The following EFCC1 variants were observed in gnomAD, a reference collection of about 807,000 sequenced individuals.
EFCC1 encodes the protein EF-hand and coiled-coil domain-containing protein 1.
Under a neutral mutation model 52.1 loss-of-function variants are expected in EFCC1, and 50 were observed. The observed-to-expected ratio is 0.96, with a 90% confidence interval of 0.76 to 1.21. The LOEUF is 1.21. Ranked by LOEUF, EFCC1 falls within the 50% of genes most tolerant of loss-of-function variation. The probability of loss-of-function intolerance (pLI) is 0.00; values close to 1 mark genes in which losing one functional copy is unlikely to be tolerated. For synonymous variants in EFCC1, 399 were observed against 396.5 expected, an observed-to-expected ratio of 1.01 and a Z score of -0.08; for missense variants, 837 against 867.3, an observed-to-expected ratio of 0.97 and a Z score of 0.44.
Position 129,027,888 on chromosome 3 carries a change from A to T in EFCC1, c.981-2815A>T, listed in dbSNP as rs538378247. On this transcript the variant is annotated intron_variant, in intron 2 of 7. Transcript: ENST00000683648. ...ACAATCGCTTGAACCCAGGAGGTGG[A>T]AGTTGCAGTGAGCTGAGATCGCGCC... Among the ~76,000 whole-genome samples, 4 of 152,092 alleles carry T rather than the reference A, an allele frequency of 2.6e-5. No individual in the cohort carries two copies. The East Asian group carries it at 7.8e-4, about 30-fold the overall frequency.
intron 1 of EFCC1, 62 bp from the exon 2 acceptor site, chr3:129,003,732 C>A: frequency 1.6e-6 from 2 of 1,280,682 alleles, no homozygotes; most frequent in South Asian, 1.9e-5. Flanking sequence ...TCGTGGCGGG[C>A]GTTCGTCTGG....
intron 5 of EFCC1, among the ~76,000 whole-genome samples, chr3:129,034,944 G>T (rs1946337095): frequency 6.6e-6 from 1 of 152,170 alleles, no homozygotes; most frequent in Admixed American, 6.5e-5. Context: ...AGGAAGTGTG[G>T]TAGGAAGAAG....
In EFCC1 at chr3:129,003,968, G is replaced by T; in HGVS notation, c.871G>T (p.Val291Leu). 6.9e-7 allele frequency: 1 copy of T among 1,457,526 alleles called. No individual in the cohort carries two copies. The highest frequency in any genetic ancestry group is 9.0e-7 in the Non-Finnish European group (1 of 1,111,260). The allele number at this position is 1,457,526 out of a possible 1,614,324, so 90.3% of individuals were successfully genotyped here. Residue 291 changes from valine (V) to leucine (L), a missense_variant, in exon 2 of 8, where the codon GTG becomes TTG. Val to Leu is a conservative substitution (Grantham distance 32). Transcript: ENST00000683648. ...VRRRAEEARQVVLRSLHRVRE... is the reference protein window; with the variant it reads ...VRRRAEEARQLVLRSLHRVRE... ...GCGGCGCGCGGAGGAGGCCCGGCAG[G>T]TGGTGCTGCGCAGCCTGCACCGCGT...
Position 129,040,092 on chromosome 3 carries a change from A to G in EFCC1, c.*244A>G. Reference sequence around the variant, plus strand: ...CCCTGCATTCCTGCCACCAGAGTCCACATTAAAGCCCTGCAGTTGCTGGAT... The same window carrying G: ...CCCTGCATTCCTGCCACCAGAGTCCGCATTAAAGCCCTGCAGTTGCTGGAT... On this transcript the variant is annotated 3_prime_UTR_variant, in exon 8 of 8. Coordinates refer to ENST00000683648, the MANE Select transcript of EFCC1 (RefSeq NM_001377500.1). The surrounding 1 kb of genome is among the most constrained non-coding windows in gnomAD (Gnocchi z 4.4). The G allele has an allele frequency of 2.1e-6, 1 of 470,690 alleles. No homozygotes were observed. Among genetic ancestry groups the G allele is most frequent in the Non-Finnish European group, 3.7e-6 (1 of 269,194 alleles). 29.2% of individuals were successfully genotyped at this position (470,690 alleles called of 1,614,324 possible).
chr3:129,009,596 G>A (rs1448031494), intron 2 of EFCC1, among the ~76,000 whole-genome samples: 1 of 152,216 alleles, frequency 6.6e-6, no homozygotes, highest in African/African-American at 2.4e-5. Context: ...CCACTGGAGT[G>A]AGAGCAAGGC....
At chr3:129,008,472 C>T (rs1160216136) in intron 2 of EFCC1, among the ~76,000 whole-genome samples, 1 of 152,206 alleles carries the variant, frequency 6.6e-6, no homozygotes, top group Non-Finnish European at 1.5e-5. Flanking sequence ...AGAGGGGCTT[C>T]TCATAGCACC....
At chr3:129,030,614 T>A in intron 2 of EFCC1, 89 bp from the exon 3 acceptor site, 1 of 1,396,710 alleles carries the variant, frequency 7.2e-7, no homozygotes. Context: ...TGACAATGGG[T>A]GTTCATAGAC....
At chr3:129,039,617 T>G in intron 7 of EFCC1, 95 bp from the exon 8 acceptor site, 1 of 1,500,622 alleles carries the variant, frequency 6.7e-7, no homozygotes, top group Admixed American at 2.1e-5. Flanking sequence ...GCACAGCGGG[T>G]AAGAGTGGCT....
At position 129,010,810 on chromosome 3, in the gene EFCC1, G is replaced by C. The variant is rs986678413; in HGVS notation, c.980+6733G>C. ...AGAAAAGAGGCCTTTCCTCCTCCAG[G>C]AACAATACTCAGGCTCACAAAGAGG... On this transcript the variant is annotated intron_variant, in intron 2 of 7. Coordinates refer to ENST00000683648, the MANE Select transcript of EFCC1 (RefSeq NM_001377500.1). The surrounding 1 kb of genome is among the most constrained non-coding windows in gnomAD (Gnocchi z 4.3). Among the ~76,000 whole-genome samples, 1 of 152,088 alleles carries C rather than the reference G, an allele frequency of 6.6e-6. No individual in the cohort carries two copies. Among genetic ancestry groups the C allele is most frequent in the Non-Finnish European group, 1.5e-5 (1 of 68,016 alleles).
At chr3:129,029,711 A>C (rs1946230015) in intron 2 of EFCC1, among the ~76,000 whole-genome samples, 1 of 151,548 alleles carries the variant, frequency 6.6e-6, no homozygotes, top group Admixed American at 6.6e-5. Context: ...CAGCCTCCCA[A>C]GTAGCTGGGA....
intron 2 of EFCC1, among the ~76,000 whole-genome samples, chr3:129,013,607 C>G (rs113986036): frequency 0.011 from 1,702 of 152,284 alleles, 30 homozygotes; most frequent in African/African-American, 0.034. Flanking sequence ...TTTCTCTTTC[C>G]CAGTAGTTCC....
chr3:129,037,103 A>T lies in EFCC1; in HGVS notation c.1579A>T (p.Arg527Trp). Residue 527 changes from arginine to tryptophan, a missense_variant, in exon 6 of 8, where the codon AGG becomes TGG. Physicochemically the swap from Arg to Trp is moderately radical, Grantham distance 101. Transcript: ENST00000683648. ...KLVDVLQLLQ[R>W]LRDLNISKRA... The stretch of plus-strand genomic sequence containing the variant: ...GGTGGACGTGCTGCAGCTCCTGCAG[A>T]GGCTCCGGGACCTGGTAGGCTCACG... The T allele has an allele frequency of 1.2e-6, 2 of 1,608,964 alleles. No homozygotes were observed. The highest frequency in any genetic ancestry group is 1.7e-6 in the Non-Finnish European group (2 of 1,178,478).
intron 3 of EFCC1, among the ~76,000 whole-genome samples, chr3:129,032,122 G>T (rs992227270): frequency 4.6e-5 from 7 of 152,246 alleles, no homozygotes; most frequent in African/African-American, 1.7e-4. Flanking sequence ...ACTGTGGACC[G>T]CAGACAGTCA....
At chr3:129,023,584 G>A (rs779380835) in intron 2 of EFCC1, among the ~76,000 whole-genome samples, 1 of 152,062 alleles carries the variant, frequency 6.6e-6, no homozygotes, top group African/African-American at 2.4e-5. Context: ...CACCCGCCTC[G>A]GCCTCCCAAA....
chr3:129,035,143 T>C (rs1002459683), intron 5 of EFCC1, among the ~76,000 whole-genome samples: 36 of 152,236 alleles, frequency 2.4e-4, no homozygotes, highest in African/African-American at 8.2e-4. Flanking sequence ...TAGTTTTATA[T>C]TTATACATCT....
intron 2 of EFCC1, among the ~76,000 whole-genome samples, chr3:129,011,137 C>T (rs1030305016): frequency 6.6e-6 from 1 of 152,202 alleles, no homozygotes; most frequent in Non-Finnish European, 1.5e-5. Context: ...TGAGCCTCAG[C>T]TCATCTGTAA....
chr3:129,004,614 G>C (rs1482802814), intron 2 of EFCC1, among the ~76,000 whole-genome samples: 1 of 151,092 alleles, frequency 6.6e-6, no homozygotes, highest in Non-Finnish European at 1.5e-5. Flanking sequence ...ATAGATTGCA[G>C]TTGAATGTGC....
rs1413338649 is a variant in EFCC1 at position 129,034,274 on chromosome 3, A to G, written c.1397A>G (p.Glu466Gly). The change falls in exon 5 of 8, where the codon GAG becomes GGG. Residue 466 changes from glutamate (E) to glycine (G), a missense_variant. Glu to Gly is a moderately conservative substitution (Grantham distance 98, BLOSUM62 -2). Coordinates refer to ENST00000683648, the MANE Select transcript of EFCC1 (RefSeq NM_001377500.1). ...ELEACIAMLVEQLRTQGCGGR... is the reference protein window; with the variant it reads ...ELEACIAMLVGQLRTQGCGGR... ...GAGGCCTGCATTGCCATGCTGGTGG[A>G]GCAGCTGAGGACTCAGGGCTGCGGT... The G allele has an allele frequency of 6.2e-7, 1 of 1,614,120 alleles. No individual in the cohort carries two copies. Among genetic ancestry groups the G allele is most frequent in the South Asian group, 1.1e-5 (1 of 91,082 alleles).
chr3:129,003,821 A>G lies in EFCC1; in HGVS notation c.724A>G (p.Thr242Ala). The change falls in exon 2 of 8, where the codon ACC becomes GCC. Residue 242 changes from threonine to alanine, a missense_variant. Physicochemically the swap from Thr to Ala is moderately conservative, Grantham distance 58. Transcript: ENST00000683648. ...QVGLWKSQAS[T>A]HEMGHGGPEA... Reference sequence around the variant, plus strand: ...CGGACTCTGGAAGAGCCAGGCGAGCACCCACGAGATGGGGCACGGCGGGCC... The same window carrying G: ...CGGACTCTGGAAGAGCCAGGCGAGCGCCCACGAGATGGGGCACGGCGGGCC... 1 of 1,465,208 alleles carries G rather than the reference A, an allele frequency of 6.8e-7. No homozygotes were observed. Among genetic ancestry groups the G allele is most frequent in the Non-Finnish European group, 9.0e-7 (1 of 1,113,222 alleles). The allele number at this position is 1,465,208 out of a possible 1,614,324, so 90.8% of individuals were successfully genotyped here. A position where few individuals can be genotyped will look rare whatever the true frequency, so the allele number is the denominator to read the frequency against.
Sources: gnomAD v4.1 joint callset for allele counts (sites outside exome capture counted in the v4.1 genomes callset) on GRCh38, gnomAD v4.1.1 for gene constraint, Gnocchi (gnomAD v3.1) non-coding constraint, MANE v1.5 for transcripts, NCBI Gene and HGNC (gene_info 2026-07-23, HGNC 2026-07-21) for gene names.